Variants in CSMD1 observed in about 807,000 individuals in gnomAD.
CSMD1 encodes the protein CUB and sushi domain-containing protein 1.
Under a neutral mutation model 417.5 loss-of-function variants are expected in CSMD1, and 213 were observed. The ratio of observed to expected loss-of-function variants is 0.51; its 90% confidence interval spans 0.46 to 0.57. The LOEUF is 0.57. CSMD1 is among the 20% of genes least tolerant of loss of function. The pLI, the probability that CSMD1 is intolerant of heterozygous loss-of-function variation, is 0.00. For missense variants in CSMD1, 6,923 were observed against 4,529.7 expected (o/e 1.53, Z -15.17); for synonymous variants, 2,862 against 1,736.8 (o/e 1.65, Z -16.11).
intron 10 of CSMD1, among the ~76,000 whole-genome samples, chr8:3,527,954 G>A (rs966697119): frequency 6.6e-6 from 1 of 152,150 alleles, no homozygotes; most frequent in Non-Finnish European, 1.5e-5. Flanking sequence ...TTATCTGGCA[G>A]ATTCTGTGGC....
chr8:2,955,200 C>T (rs139652843), intron 64 of CSMD1, among the ~76,000 whole-genome samples: 39 of 152,320 alleles, frequency 2.6e-4, no homozygotes, highest in South Asian at 6.2e-4. Context: ...TACCTATTCT[C>T]GGATACTTGG....
intron 5 of CSMD1, among the ~76,000 whole-genome samples, chr8:3,888,398 T>G (rs2627347): frequency 1.6e-4 from 24 of 152,278 alleles, no homozygotes; most frequent in Non-Finnish European, 2.9e-4. Flanking sequence ...GCCTATTTCA[T>G]TCTATACGGA....
intron 2 of CSMD1, among the ~76,000 whole-genome samples, chr8:4,475,962 C>G (rs1800782215): frequency 6.6e-6 from 1 of 151,972 alleles, no homozygotes; most frequent in African/African-American, 2.4e-5. Context: ...ATTTTGTTGT[C>G]TGTATTTTTG....
At chr8:4,748,893 T>C (rs1396122083) in intron 1 of CSMD1, among the ~76,000 whole-genome samples, 1 of 152,264 alleles carries the variant, frequency 6.6e-6, no homozygotes, top group Non-Finnish European at 1.5e-5. Context: ...ATTCCGGTCC[T>C]GTTACTCTGA....
chr8:3,169,465 G>T (rs1050704722), intron 37 of CSMD1, among the ~76,000 whole-genome samples: 9 of 151,922 alleles, frequency 5.9e-5, no homozygotes, highest in African/African-American at 1.9e-4. Context: ...ACTATCTCTA[G>T]TAGTCGAAAT....
At chr8:3,527,821 A>G (rs537803426) in intron 10 of CSMD1, among the ~76,000 whole-genome samples, 6 of 152,348 alleles carry the variant, frequency 3.9e-5, no homozygotes, top group African/African-American at 1.4e-4. Context: ...ATCCTGTTTA[A>G]TAACAGTAGA....
chr8:4,067,869 G>C (rs950381035), intron 3 of CSMD1, among the ~76,000 whole-genome samples: 14 of 152,246 alleles, frequency 9.2e-5, no homozygotes, highest in East Asian at 1.9e-4. Context: ...ATGAGGTCAA[G>C]AGATGGAGAC....
intron 1 of CSMD1, among the ~76,000 whole-genome samples, chr8:4,941,322 C>A (rs1166479231): frequency 6.6e-6 from 1 of 151,662 alleles, no homozygotes; most frequent in Non-Finnish European, 1.5e-5. Context: ...TTGTAAAGCA[C>A]ACGCTTCATA....
At chr8:4,463,764 T>G (rs1799984340) in intron 2 of CSMD1, among the ~76,000 whole-genome samples, 1 of 152,012 alleles carries the variant, frequency 6.6e-6, no homozygotes. Flanking sequence ...AAATAGTGAG[T>G]GGGTACTAAT....
chr8:3,157,126 T>C (rs955200294), intron 39 of CSMD1, among the ~76,000 whole-genome samples: 2 of 151,838 alleles, frequency 1.3e-5, no homozygotes, highest in Middle Eastern at 3.2e-3. Flanking sequence ...CTGACCATGA[T>C]CCTACTGAGA....
intron 50 of CSMD1, among the ~76,000 whole-genome samples, chr8:3,040,571 G>C (rs542481510): frequency 6.6e-6 from 1 of 151,880 alleles, no homozygotes; most frequent in Non-Finnish European, 1.5e-5. Context: ...TTGGGAGGAC[G>C]AGGCAGGTGG....
intron 7 of CSMD1, among the ~76,000 whole-genome samples, chr8:3,706,658 A>C (rs1222533472): frequency 6.6e-6 from 1 of 152,202 alleles, no homozygotes; most frequent in African/African-American, 2.4e-5. Flanking sequence ...CTGATGCCCA[A>C]ATGATCGGAT....
chr8:3,347,097 C>T (rs115254472), intron 22 of CSMD1, among the ~76,000 whole-genome samples: 3,544 of 152,294 alleles, frequency 0.023, 138 homozygotes, highest in African/African-American at 0.08. Context: ...CACAGAACAT[C>T]TCATAATGTT....
At chr8:3,954,448 C>A (rs1034048874) in intron 5 of CSMD1, among the ~76,000 whole-genome samples, 4 of 152,118 alleles carry the variant, frequency 2.6e-5, no homozygotes, top group Non-Finnish European at 5.9e-5. Flanking sequence ...CTCACTGCAA[C>A]CTCCTCCTCC....
At chr8:4,774,129 G>C (rs1796731553) in intron 1 of CSMD1, among the ~76,000 whole-genome samples, 1 of 152,196 alleles carries the variant, frequency 6.6e-6, no homozygotes, top group Admixed American at 6.5e-5. Flanking sequence ...GAACCCAGGA[G>C]GTGGAGGTGG....
chr8:4,325,865 G>T (rs148442360), intron 3 of CSMD1, among the ~76,000 whole-genome samples: 1 of 152,104 alleles, frequency 6.6e-6, no homozygotes, highest in East Asian at 1.9e-4. Flanking sequence ...GGCTGGAATT[G>T]AGAGTTCCGT....
chr8:4,388,686 C>G (rs530497233), intron 3 of CSMD1, among the ~76,000 whole-genome samples: 12 of 151,982 alleles, frequency 7.9e-5, no homozygotes, highest in Admixed American at 7.9e-4. Flanking sequence ...ACTTGAACTC[C>G]AATAGCTCAT....
intron 1 of CSMD1, among the ~76,000 whole-genome samples, chr8:4,901,521 T>C (rs1169497342): frequency 3.3e-5 from 5 of 151,616 alleles, no homozygotes; most frequent in Non-Finnish European, 7.4e-5. Context: ...TAAAATTACC[T>C]CTGTAAGAAT....
intron 3 of CSMD1, among the ~76,000 whole-genome samples, chr8:4,364,044 A>G (rs1015623837): frequency 8.5e-5 from 13 of 152,200 alleles, no homozygotes; most frequent in East Asian, 3.9e-4. Flanking sequence ...AACTAAGACT[A>G]TAATTGAATT....
Sources: allele counts gnomAD v4.1 joint callset (sites outside exome capture counted in the v4.1 genomes callset), GRCh38; gene constraint gnomAD v4.1.1; transcripts MANE v1.5; gene names NCBI Gene and HGNC (gene_info 2026-07-23, HGNC 2026-07-21).